The following LARP4B variants were observed in gnomAD, a reference collection of about 807,000 sequenced individuals.
LARP4B encodes the protein La ribonucleoprotein 4B.
A neutral mutation model predicts 89.8 loss-of-function variants in LARP4B; 12 were observed. The observed-to-expected ratio is 0.13, with a 90% confidence interval of 0.09 to 0.22. The LOEUF (loss-of-function observed/expected upper bound fraction) is 0.22, where lower values mean the gene tolerates loss of function less well. Ranked by LOEUF, LARP4B falls within the 10% of genes least tolerant of loss-of-function variation. The pLI is 1.00. For missense variants in LARP4B, 757 were observed against 947.7 expected (o/e 0.80, Z 2.64); for synonymous variants, 367 against 363.3 (o/e 1.01, Z -0.12).
At chr10:960,209 A>G in the LARP4B span, among the ~76,000 whole-genome samples, 3 of 152,140 alleles carry the variant, frequency 2.0e-5, no homozygotes, top group Admixed American at 6.5e-5. Flanking sequence ...GATCAGTAAT[A>G]AGATGAGTGA....
chr10:946,194 C>T, the LARP4B span, among the ~76,000 whole-genome samples: 4 of 152,186 alleles, frequency 2.6e-5, no homozygotes, highest in Non-Finnish European at 4.4e-5. Flanking sequence ...TCACATTTAT[C>T]GTTTTTTGGT....
chr10:845,524 T>C (rs1268931305), intron 5 of LARP4B, among the ~76,000 whole-genome samples: 1 of 152,232 alleles, frequency 6.6e-6, no homozygotes, highest in Non-Finnish European at 1.5e-5. Context: ...AGGCTTCAAT[T>C]TGCCTTCCAA....
At chr10:954,493 G>C in the LARP4B span, among the ~76,000 whole-genome samples, 1 of 152,268 alleles carries the variant, frequency 6.6e-6, no homozygotes, top group Middle Eastern at 3.4e-3. This position sits in a 1 kb window ranked among gnomAD's most constrained non-coding sequence, Gnocchi z 5.0. Flanking sequence ...CATTCAGACC[G>C]GTGGCTCAGA....
In LARP4B at chr10:812,959, T is replaced by C. The variant is rs1232983469; in HGVS notation, c.2184A>G (p.Arg728=). Residue 728 remains arginine (R), a synonymous_variant, in exon 18 of 18, where the codon CGA becomes CGG. Coordinates refer to ENST00000316157, the MANE Select transcript of LARP4B (RefSeq NM_015155.3). ...SPSAMGKRLS[R]EQSTPPKSPQ is the part of the protein sequence containing the mutation. Reference sequence around the variant, plus strand: ...GAGACTTGGGGGGAGTGCTCTGCTCTCGGCTGAGACGCTTCCCCATGGCCG... The same window carrying C: ...GAGACTTGGGGGGAGTGCTCTGCTCCCGGCTGAGACGCTTCCCCATGGCCG... 3 of 1,564,246 alleles carry C rather than the reference T, an allele frequency of 1.9e-6. No homozygotes were observed. The African/African-American group carries it at 4.2e-5, about 22-fold the overall frequency.
chr10:892,169 G>A (rs567332714), intron 1 of LARP4B, among the ~76,000 whole-genome samples: 20 of 152,332 alleles, frequency 1.3e-4, no homozygotes, highest in African/African-American at 4.8e-4. Context: ...TACACCACTC[G>A]CAGGCCTTAC....
rs147670623 is a variant in LARP4B at position 885,104 on chromosome 10, T to C, written c.81+537A>G. Among the ~76,000 whole-genome samples, 533 of 152,238 alleles carry C rather than the reference T, an allele frequency of 3.5e-3. 2 individuals are homozygous for C. Among genetic ancestry groups the C allele is most frequent in the African/African-American group, 0.012 (483 of 41,534 alleles). ...ATCAGGCCATGGAAACTAGAAAGAA[T>C]TCTCCTTGCCCCTTCTCCCTTGAAG... On this transcript the variant is annotated intron_variant, in intron 2 of 17. Coordinates refer to ENST00000316157, the MANE Select transcript of LARP4B (RefSeq NM_015155.3).
chr10:940,343 G>A, the LARP4B span, among the ~76,000 whole-genome samples: 1 of 152,050 alleles, frequency 6.6e-6, no homozygotes, highest in Non-Finnish European at 1.5e-5. Flanking sequence ...TAGCAGAGAT[G>A]AGGTTTCACC....
chr10:881,847 T>G (rs545757672), intron 3 of LARP4B, among the ~76,000 whole-genome samples: 1 of 152,240 alleles, frequency 6.6e-6, no homozygotes, highest in Non-Finnish European at 1.5e-5. Context: ...TTAGGGCTCC[T>G]CGAAGACGTG....
intron 13 of LARP4B, among the ~76,000 whole-genome samples, chr10:821,934 T>A (rs1307257682): frequency 6.6e-6 from 1 of 152,046 alleles, no homozygotes; most frequent in Non-Finnish European, 1.5e-5. Flanking sequence ...GGGGCATGAG[T>A]CCTGACAACC....
the LARP4B span, among the ~76,000 whole-genome samples, chr10:946,685 G>T: frequency 6.6e-6 from 1 of 152,148 alleles, no homozygotes; most frequent in Non-Finnish European, 1.5e-5. Context: ...TTTGTTGAAT[G>T]AAATACTGAA....
chr10:859,525 G>T (rs978318853), intron 5 of LARP4B, among the ~76,000 whole-genome samples: 1 of 152,016 alleles, frequency 6.6e-6, no homozygotes, highest in Non-Finnish European at 1.5e-5. Context: ...CACACTCCTG[G>T]GTATTTACCC....
At chr10:959,430 T>TC in the LARP4B span, among the ~76,000 whole-genome samples, 13 of 62,018 alleles carry the variant, frequency 2.1e-4, no homozygotes, top group South Asian at 7.5e-4. Flanking sequence ...TCCCCGTCAA[T>TC]CCACCTCCCC....
chr10:846,654 A>T (rs1387185852), intron 5 of LARP4B, among the ~76,000 whole-genome samples: 1 of 152,228 alleles, frequency 6.6e-6, no homozygotes, highest in Admixed American at 6.5e-5. Context: ...TAGAAAATCA[A>T]TTCAAGGCTG....
At chr10:908,208 G>C (rs1457757508) in intron 1 of LARP4B, among the ~76,000 whole-genome samples, 2 of 152,038 alleles carry the variant, frequency 1.3e-5, no homozygotes, top group African/African-American at 4.8e-5. Context: ...GCAAGACTCC[G>C]ACCCAACAAC....
intron 3 of LARP4B, among the ~76,000 whole-genome samples, chr10:883,922 C>G (rs977130806): frequency 6.6e-6 from 1 of 151,916 alleles, no homozygotes; most frequent in Non-Finnish European, 1.5e-5. Context: ...TTTATAAGAT[C>G]CTTTGATCAA....
At chr10:840,442 C>T (rs1018309926) in intron 7 of LARP4B, among the ~76,000 whole-genome samples, 5 of 152,158 alleles carry the variant, frequency 3.3e-5, no homozygotes, top group African/African-American at 1.2e-4. Context: ...ATGGTATCAC[C>T]TTGCACAAAT....
chr10:828,928 C>G (rs1471729381), intron 11 of LARP4B, among the ~76,000 whole-genome samples: 1 of 152,184 alleles, frequency 6.6e-6, no homozygotes, highest in Non-Finnish European at 1.5e-5. Context: ...TAGGCCTTAA[C>G]AAAGGCCAAA....
chr10:954,545 G>A, the LARP4B span, among the ~76,000 whole-genome samples: 37 of 152,248 alleles, frequency 2.4e-4, 1 homozygote, highest in Admixed American at 2.0e-4. This position sits in a 1 kb window ranked among gnomAD's most constrained non-coding sequence, Gnocchi z 5.0. Flanking sequence ...TGGGAGTCGG[G>A]ACATGGCCTT....
At chr10:931,039 C>G (rs1477330166) in intron 1 of LARP4B, among the ~76,000 whole-genome samples, 2 of 151,212 alleles carry the variant, frequency 1.3e-5, no homozygotes, top group African/African-American at 4.8e-5. Context: ...GACCCTGACC[C>G]CGGCCCGGTC....
Sources: gnomAD v4.1 joint callset for allele counts (sites outside exome capture counted in the v4.1 genomes callset) on GRCh38, gnomAD v4.1.1 for gene constraint, Gnocchi (gnomAD v3.1) non-coding constraint, MANE v1.5 for transcripts, NCBI Gene and HGNC (gene_info 2026-07-23, HGNC 2026-07-21) for gene names.